The following FAM178B variants were observed in gnomAD, a reference collection of about 807,000 sequenced individuals.
FAM178B encodes protein FAM178B.
FAM178B carries 82 observed loss-of-function variants against 91.7 expected under a neutral mutation model. The observed-to-expected ratio is 0.89, with a 90% CI of 0.75 to 1.07. The LOEUF (loss-of-function observed/expected upper bound fraction) is 1.07. FAM178B is among the 50% of genes least tolerant of loss of function. FAM178B has a pLI of 0.00. For synonymous variants in FAM178B, 368 were observed against 359.4 expected, an observed-to-expected ratio of 1.02 and a Z score of -0.27; for missense variants, 769 against 846.7, an observed-to-expected ratio of 0.91 and a Z score of 1.14.
chr2:96,906,973 G>T (rs887672686), intron 12 of FAM178B, among the ~76,000 whole-genome samples: 1 of 152,180 alleles, frequency 6.6e-6, no homozygotes, highest in South Asian at 2.1e-4. Context: ...TGCCCGGCCC[G>T]GGGGTGAGGG....
chr2:96,986,546 G>A lies in FAM178B; in HGVS notation c.-233C>T, dbSNP rs766042124. ...ACCAAGCGGCCAGCTCACAGCCGCC[G>A]CCGCCGCCAGCTGGGGAGCTCGCCG... On this transcript the variant is annotated 5_prime_UTR_variant, in exon 1 of 17. Coordinates refer to ENST00000490605, the MANE Select transcript of FAM178B (RefSeq NM_001122646.3). 1.5e-5 allele frequency: 8 copies of A among 522,596 alleles called. 1 individual carries two copies. Among genetic ancestry groups the A allele is most frequent in the South Asian group, 4.4e-5 (2 of 45,746 alleles). The allele number at this position is 522,596 out of a possible 1,614,324, so 32.4% of individuals were successfully genotyped here. A position where few individuals can be genotyped will look rare whatever the true frequency, so the allele number is the denominator to read the frequency against.
chr2:96,933,280 G>C (rs1472320931), intron 8 of FAM178B, among the ~76,000 whole-genome samples: 2 of 152,204 alleles, frequency 1.3e-5, no homozygotes, highest in East Asian at 1.9e-4. Flanking sequence ...AAATTTGCCA[G>C]CATGAACAGC....
At chr2:96,886,885 G>A (rs1292599868) in intron 14 of FAM178B, among the ~76,000 whole-genome samples, 3 of 152,136 alleles carry the variant, frequency 2.0e-5, no homozygotes, top group Non-Finnish European at 4.4e-5. Context: ...GTATGCCACC[G>A]TGTCGTGTTA....
chr2:96,887,132 G>C (rs899820628), intron 14 of FAM178B, among the ~76,000 whole-genome samples: 8 of 152,074 alleles, frequency 5.3e-5, no homozygotes, highest in African/African-American at 1.9e-4. Context: ...GGAGAATGGC[G>C]TGAATCCAGG....
chr2:96,923,037 C>T (rs1208086654), intron 10 of FAM178B, among the ~76,000 whole-genome samples: 1 of 152,172 alleles, frequency 6.6e-6, no homozygotes, highest in African/African-American at 2.4e-5. Flanking sequence ...GGTGCCATCT[C>T]GGCTCACTAC....
At chr2:96,936,358 C>T (rs1315883011) in intron 8 of FAM178B, among the ~76,000 whole-genome samples, 64 of 113,812 alleles carry the variant, frequency 5.6e-4, no homozygotes, top group African/African-American at 1.5e-3. Flanking sequence ...CCCGCCACCA[C>T]GCCCGGCTAA....
chr2:96,985,345 C>A lies in FAM178B; in HGVS notation c.73+896G>T, dbSNP rs541640203. Among the ~76,000 whole-genome samples the A allele has an allele frequency of 2.0e-5, 3 of 152,282 alleles. No homozygotes were observed. In the East Asian group the frequency reaches 5.8e-4, roughly 29 times the overall value. On this transcript the variant is annotated intron_variant, in intron 1 of 16. Coordinates refer to ENST00000490605, the MANE Select transcript of FAM178B (RefSeq NM_001122646.3). ...ACTTGGCCATGCTCACTCTACAATG[C>A]AGCCCATGGATGGCGCCCCCTCTGC...
chr2:96,967,465 G>T (rs2082157919), intron 5 of FAM178B, 55 bp downstream of exon 5: 3 of 1,125,292 alleles, frequency 2.7e-6, no homozygotes, highest in South Asian at 1.3e-5. Flanking sequence ...ACCAGAGGGG[G>T]TTGGCACCTC....
chr2:96,973,170 T>G (rs1460393707), intron 1 of FAM178B, among the ~76,000 whole-genome samples: 1 of 150,092 alleles, frequency 6.7e-6, no homozygotes, highest in Non-Finnish European at 1.5e-5. Flanking sequence ...ATGGTGCCAC[T>G]GCATGCCAGC....
intron 10 of FAM178B, among the ~76,000 whole-genome samples, chr2:96,922,552 G>A (rs1470980049): frequency 6.6e-6 from 1 of 152,228 alleles, no homozygotes; most frequent in Non-Finnish European, 1.5e-5. Flanking sequence ...GTTTCACCAT[G>A]TTGGCCAGGC....
At position 96,921,661 on chromosome 2, in the gene FAM178B, A is replaced by G; in HGVS notation, c.1288-7T>C. The G allele has an allele frequency of 6.4e-7, 1 of 1,550,908 alleles. No homozygotes were observed. The highest frequency in any genetic ancestry group is 8.7e-7 in the Non-Finnish European group (1 of 1,146,908). On this transcript the variant is annotated splice_region_variant and splice_polypyrimidine_tract_variant and intron_variant, in intron 10 of 16. Coordinates refer to ENST00000490605, the MANE Select transcript of FAM178B (RefSeq NM_001122646.3). ...GGGCACACAGCGCCAGAAACTGGAG[A>G]GAGAAAAGAGGGCAGGGGTGGCCAG...
At chr2:96,943,741 T>C (rs2081772552) in intron 8 of FAM178B, among the ~76,000 whole-genome samples, 1 of 146,834 alleles carries the variant, frequency 6.8e-6, no homozygotes, top group Admixed American at 6.6e-5. Context: ...TATTTCCTCC[T>C]CTGCTCCCTT....
chr2:96,913,037 C>T (rs2081185309), intron 12 of FAM178B, among the ~76,000 whole-genome samples: 1 of 152,106 alleles, frequency 6.6e-6, no homozygotes, highest in Non-Finnish European at 1.5e-5. Context: ...AGGTAGGAGA[C>T]GCAGGAACGC....
chr2:96,876,669 C>T (rs1386416613), intron 16 of FAM178B, among the ~76,000 whole-genome samples: 4 of 152,082 alleles, frequency 2.6e-5, no homozygotes, highest in Non-Finnish European at 5.9e-5. Context: ...AAACCACAGC[C>T]TGTGGCCAGT....
chr2:96,977,959 G>T, intron 1 of FAM178B: 2 of 450,070 alleles, frequency 4.4e-6, no homozygotes, highest in South Asian at 1.6e-5. Flanking sequence ...GCGGGGGAGG[G>T]GGGCGACCGG....
chr2:96,894,190 C>T, intron 13 of FAM178B, 139 bp from the exon 14 acceptor site: 1 of 920,708 alleles, frequency 1.1e-6, no homozygotes, highest in Non-Finnish European at 1.6e-6. Flanking sequence ...CCACCTCTAC[C>T]TTATGAACTG....
intron 8 of FAM178B, among the ~76,000 whole-genome samples, chr2:96,946,970 T>TA (rs1474764975): frequency 6.6e-6 from 1 of 152,162 alleles, no homozygotes; most frequent in East Asian, 1.9e-4. Flanking sequence ...AGCAGAAACT[T>TA]AAAGGGCTGG....
chr2:96,924,896 T>C (rs190908210), intron 9 of FAM178B, among the ~76,000 whole-genome samples: 1 of 151,956 alleles, frequency 6.6e-6, no homozygotes, highest in Non-Finnish European at 1.5e-5. Flanking sequence ...TCTTCTCTGC[T>C]TGGCACTGGC....
At chr2:96,917,047 A>G (rs555392766) in intron 12 of FAM178B, among the ~76,000 whole-genome samples, 3 of 152,202 alleles carry the variant, frequency 2.0e-5, no homozygotes, top group East Asian at 3.9e-4. Context: ...TTACAACCCA[A>G]TCAGGGATGA....
Sources: allele counts gnomAD v4.1 joint callset (sites outside exome capture counted in the v4.1 genomes callset), GRCh38; gene constraint gnomAD v4.1.1; transcripts MANE v1.5; gene names NCBI Gene and HGNC (gene_info 2026-07-23, HGNC 2026-07-21).